Variants in HTR7 observed in about 807,000 individuals in gnomAD.
HTR7 encodes 5-HT-7.
HTR7 carries 16 observed loss-of-function variants against 34.0 expected under a neutral mutation model. That is an observed-to-expected ratio of 0.47 (90% CI 0.32 to 0.71). The LOEUF is 0.71. Ranked by LOEUF, HTR7 falls within the 30% of genes least tolerant of loss-of-function variation. HTR7 has a pLI of 0.04. For missense variants in HTR7, 504 were observed against 625.5 expected (o/e 0.81, Z 2.07); for synonymous variants, 265 against 260.2 (o/e 1.02, Z -0.18).
intron 1 of HTR7, among the ~76,000 whole-genome samples, chr10:90,821,346 T>C (rs1430311266): frequency 6.6e-6 from 1 of 152,152 alleles, no homozygotes; most frequent in Non-Finnish European, 1.5e-5. Flanking sequence ...AGCACAGTGA[T>C]TGTGGGACTT....
intron 1 of HTR7, among the ~76,000 whole-genome samples, chr10:90,796,099 A>G (rs1340627907): frequency 2.6e-5 from 4 of 152,140 alleles, no homozygotes; most frequent in Non-Finnish European, 5.9e-5. Flanking sequence ...AAAAGGGAGG[A>G]AGGTATAATG....
chr10:90,783,023 T>C (rs904442536), intron 1 of HTR7, among the ~76,000 whole-genome samples: 4 of 152,210 alleles, frequency 2.6e-5, no homozygotes, highest in African/African-American at 9.6e-5. Flanking sequence ...GACTAGGAGC[T>C]TACTGGGACT....
At chr10:90,777,376 G>C (rs182534901) in intron 1 of HTR7, among the ~76,000 whole-genome samples, 20 of 151,778 alleles carry the variant, frequency 1.3e-4, no homozygotes, top group Non-Finnish European at 2.5e-4. Flanking sequence ...AGCTACTAAG[G>C]ATGCTGAGGC....
At chr10:90,785,204 G>A (rs1019005027) in intron 1 of HTR7, among the ~76,000 whole-genome samples, 1 of 152,232 alleles carries the variant, frequency 6.6e-6, no homozygotes, top group Non-Finnish European at 1.5e-5. Flanking sequence ...CTGGTACAAT[G>A]GTTGATATGA....
intron 1 of HTR7, among the ~76,000 whole-genome samples, chr10:90,778,567 T>G (rs1250365220): frequency 2.6e-5 from 4 of 152,192 alleles, no homozygotes; most frequent in Admixed American, 1.3e-4. Flanking sequence ...TTTTAGGTAT[T>G]ATGTTACAAA....
chr10:90,769,177 C>T (rs1845069160), intron 1 of HTR7, among the ~76,000 whole-genome samples: 1 of 152,210 alleles, frequency 6.6e-6, no homozygotes, highest in South Asian at 2.1e-4. Context: ...GGATACCATG[C>T]ATAGTAATCT....
chr10:90,819,261 AT>A (rs1242259362), intron 1 of HTR7, among the ~76,000 whole-genome samples: 1 of 152,232 alleles, frequency 6.6e-6, no homozygotes, highest in Non-Finnish European at 1.5e-5. Flanking sequence ...ATACTTATCT[AT>A]ACCCACTTAC....
At chr10:90,851,567 T>G (rs1222208634) in intron 1 of HTR7, among the ~76,000 whole-genome samples, 2 of 129,706 alleles carry the variant, frequency 1.5e-5, no homozygotes, top group African/African-American at 3.0e-5. Context: ...ATCACACCAC[T>G]GCACTCCAGC....
intron 1 of HTR7, among the ~76,000 whole-genome samples, chr10:90,823,353 AT>A (rs1053667740): frequency 1.3e-5 from 2 of 152,300 alleles, no homozygotes; most frequent in South Asian, 4.1e-4. Context: ...AAAGAATATT[AT>A]TTTGGAGCTT....
intron 1 of HTR7, among the ~76,000 whole-genome samples, chr10:90,766,477 T>A (rs1288117119): frequency 1.3e-5 from 2 of 152,234 alleles, no homozygotes; most frequent in African/African-American, 2.4e-5. Context: ...TTTTATCCAT[T>A]CAGCCATTCT....
intron 1 of HTR7, among the ~76,000 whole-genome samples, chr10:90,810,860 G>A (rs11527868): frequency 0.085 from 12,897 of 152,112 alleles, 593 homozygotes; most frequent in East Asian, 0.16. Context: ...CTGTCTCGGC[G>A]TAATTCTTAG....
chr10:90,821,023 T>C (rs1845970213), intron 1 of HTR7, among the ~76,000 whole-genome samples: 1 of 151,792 alleles, frequency 6.6e-6, no homozygotes, highest in Non-Finnish European at 1.5e-5. Context: ...AGTCACAGAG[T>C]AGCAGGAGGT....
At chr10:90,803,175 A>G (rs1299930279) in intron 1 of HTR7, among the ~76,000 whole-genome samples, 7 of 151,970 alleles carry the variant, frequency 4.6e-5, no homozygotes, top group Non-Finnish European at 8.8e-5. Flanking sequence ...GTTTATTTAA[A>G]AGCTTTAGAG....
intron 1 of HTR7, among the ~76,000 whole-genome samples, chr10:90,764,748 A>G (rs541873415): frequency 6.6e-6 from 1 of 152,134 alleles, no homozygotes; most frequent in Non-Finnish European, 1.5e-5. Flanking sequence ...CTTATTCCCA[A>G]TATTAAAGAA....
chr10:90,745,936 A>T (rs1335067726), intron 2 of HTR7, among the ~76,000 whole-genome samples: 2 of 152,208 alleles, frequency 1.3e-5, no homozygotes, highest in Admixed American at 1.3e-4. Flanking sequence ...ACAGGAAAAC[A>T]ACACCCAAGC....
At chr10:90,768,490 C>T (rs190603045) in intron 1 of HTR7, among the ~76,000 whole-genome samples, 21 of 152,202 alleles carry the variant, frequency 1.4e-4, no homozygotes, top group African/African-American at 5.1e-4. Flanking sequence ...CTTGTGTGCC[C>T]TTCATCTTTT....
intron 1 of HTR7, among the ~76,000 whole-genome samples, chr10:90,804,505 C>T (rs1308186621): frequency 6.6e-6 from 1 of 152,168 alleles, no homozygotes; most frequent in Non-Finnish European, 1.5e-5. Flanking sequence ...AAGGCACTCC[C>T]CCCAGCTCCT....
chr10:90,812,963 T>C (rs1301233674), intron 1 of HTR7, among the ~76,000 whole-genome samples: 1 of 152,116 alleles, frequency 6.6e-6, no homozygotes, highest in Non-Finnish European at 1.5e-5. Context: ...GAAGTGAAAA[T>C]GGCCTGTTCC....
At chr10:90,817,227 A>G (rs1473679233) in intron 1 of HTR7, among the ~76,000 whole-genome samples, 1 of 152,208 alleles carries the variant, frequency 6.6e-6, no homozygotes, top group African/African-American at 2.4e-5. Flanking sequence ...GAGAAACCTG[A>G]AAAGCTGAGT....
Sources: allele counts gnomAD v4.1 joint callset (sites outside exome capture counted in the v4.1 genomes callset), GRCh38; gene constraint gnomAD v4.1.1; transcripts MANE v1.5; gene names NCBI Gene and HGNC (gene_info 2026-07-23, HGNC 2026-07-21).